TFEC: variants seen among roughly 807,000 people sequenced by gnomAD.
TFEC encodes transcription factor EC, also known as class E basic helix-loop-helix protein 34.
A neutral mutation model predicts 41.6 loss-of-function variants in TFEC; 31 were observed. That is an observed-to-expected ratio of 0.74 (90% confidence interval 0.56 to 1.01). The LOEUF is 1.01. TFEC is among the 50% of genes least tolerant of loss of function. TFEC has a pLI of 0.00. For synonymous variants in TFEC, 143 were observed against 140.6 expected (o/e 1.02, Z -0.12); for missense variants, 402 against 404.1 (o/e 0.99, Z 0.04).
intron 2 of TFEC, among the ~76,000 whole-genome samples, chr7:115,977,099 A>T (rs556531799): frequency 6.6e-6 from 1 of 152,252 alleles, no homozygotes; most frequent in African/African-American, 2.4e-5. Context: ...CCCAGCCTAA[A>T]ACCTTCACAA....
upstream of TFEC, among the ~76,000 whole-genome samples, chr7:116,033,209 T>G (rs1795829989): frequency 6.6e-6 from 1 of 152,108 alleles, no homozygotes; most frequent in South Asian, 2.1e-4. Flanking sequence ...CTGGCCATTC[T>G]ATGCCTGAAA....
intron 3 of TFEC, among the ~76,000 whole-genome samples, chr7:116,036,135 T>C (rs1795903928): frequency 6.6e-6 from 1 of 152,134 alleles, no homozygotes; most frequent in African/African-American, 2.4e-5. Flanking sequence ...GCCTCATTTG[T>C]CTTCTATCCT....
chr7:116,130,104 T>C (rs1056199055), intron 1 of TFEC, among the ~76,000 whole-genome samples: 9 of 150,134 alleles, frequency 6.0e-5, no homozygotes, highest in African/African-American at 2.0e-4. Flanking sequence ...GAAAAACTTA[T>C]TTTTGTTCAC....
chr7:116,143,717 AAC>A (rs1218024521), intron 1 of TFEC, among the ~76,000 whole-genome samples: 3 of 152,152 alleles, frequency 2.0e-5, no homozygotes, highest in Non-Finnish European at 4.4e-5. Context: ...GAAGTGAGGA[AAC>A]ACACTCTCCA....
chr7:115,950,984 T>C, intron 5 of TFEC, 35 bp from the exon 6 acceptor site: 1 of 1,343,628 alleles, frequency 7.4e-7, no homozygotes, highest in Non-Finnish European at 1.0e-6. Context: ...TTATTCTCAT[T>C]AATGCACAGT....
At chr7:116,008,696 C>A (rs2130804959) in intron 1 of TFEC, among the ~76,000 whole-genome samples, 1 of 152,236 alleles carries the variant, frequency 6.6e-6, no homozygotes, top group Middle Eastern at 3.4e-3. Flanking sequence ...TCACAGCAGT[C>A]TGTGGATATG....
At chr7:116,023,532 A>C (rs1795477205) in intron 1 of TFEC, among the ~76,000 whole-genome samples, 1 of 152,160 alleles carries the variant, frequency 6.6e-6, no homozygotes, top group South Asian at 2.1e-4. Context: ...AAAGACTCTG[A>C]AGGAGCATGA....
At chr7:116,064,964 T>A (rs1187063331) in intron 3 of TFEC, among the ~76,000 whole-genome samples, 1 of 152,026 alleles carries the variant, frequency 6.6e-6, no homozygotes, top group Non-Finnish European at 1.5e-5. Flanking sequence ...CTAAAGAAAA[T>A]AATCAAGATA....
intron 3 of TFEC, among the ~76,000 whole-genome samples, chr7:115,969,605 T>A (rs1251242971): frequency 6.6e-6 from 1 of 151,972 alleles, no homozygotes; most frequent in Admixed American, 6.6e-5. Flanking sequence ...GTGCTGACTA[T>A]AATAAAGTGT....
At chr7:116,149,639 T>C (rs1798719896) in intron 1 of TFEC, among the ~76,000 whole-genome samples, 1 of 152,182 alleles carries the variant, frequency 6.6e-6, no homozygotes, top group Non-Finnish European at 1.5e-5. Flanking sequence ...TGGAGAAAAT[T>C]AGTATCATTG....
At chr7:116,059,239 A>C (rs1266609666) in intron 3 of TFEC, among the ~76,000 whole-genome samples, 1 of 151,910 alleles carries the variant, frequency 6.6e-6, no homozygotes, top group Non-Finnish European at 1.5e-5. Flanking sequence ...CTTCATGCCA[A>C]AAAAGTCAAA....
intron 1 of TFEC, among the ~76,000 whole-genome samples, chr7:116,016,891 C>T (rs1269468477): frequency 1.3e-5 from 2 of 152,026 alleles, no homozygotes; most frequent in African/African-American, 2.4e-5. Context: ...GTCCCAAGCA[C>T]TTATTATTTC....
intron 2 of TFEC, chr7:116,110,952 A>G: frequency 7.3e-7 from 1 of 1,368,260 alleles, no homozygotes; most frequent in Non-Finnish European, 9.8e-7. Flanking sequence ...GAAAAAAAGG[A>G]GCACTGTAAA....
rs1396346550 is a variant in TFEC at position 115,940,919 on chromosome 7, G to C, written c.676C>G (p.Gln226Glu). ...GTTGGCAGACCATGAGTACGAGCCT[G>C]AATTTCTAGTTCCTGTAATTTCAAA... ...LLLRIQELEI[Q>E]ARTHGLPTLA... The change falls in exon 8 of 8, where the codon CAG becomes GAG. Residue 226 changes from glutamine to glutamate, a missense_variant. By Grantham distance (29) the Gln-to-Glu change is conservative. Coordinates refer to ENST00000265440, the MANE Select transcript of TFEC (RefSeq NM_012252.4). The C allele has an allele frequency of 1.9e-6, 3 of 1,568,756 alleles. No homozygotes were observed. Among genetic ancestry groups the C allele is most frequent in the Non-Finnish European group, 2.6e-6 (3 of 1,154,802 alleles).
intron 3 of TFEC, among the ~76,000 whole-genome samples, chr7:116,042,347 C>A (rs1415217100): frequency 2.6e-5 from 4 of 152,044 alleles, no homozygotes; most frequent in African/African-American, 7.2e-5. Context: ...AGGCTCAGGG[C>A]AACACACACT....
chr7:115,993,356 G>C (rs1242999962), intron 1 of TFEC, among the ~76,000 whole-genome samples: 1 of 152,146 alleles, frequency 6.6e-6, no homozygotes, highest in Non-Finnish European at 1.5e-5. Context: ...GTTCTGGCCA[G>C]GACAAACAGG....
intron 2 of TFEC, 93 bp from the exon 3 acceptor site, chr7:115,974,349 A>T: frequency 1.1e-6 from 1 of 874,844 alleles, no homozygotes; most frequent in Non-Finnish European, 1.5e-6. Context: ...GCAATCTTTA[A>T]AAGTTTTTAG....
chr7:115,948,301 C>T (rs1306454346), intron 6 of TFEC, among the ~76,000 whole-genome samples: 1 of 151,788 alleles, frequency 6.6e-6, no homozygotes, highest in African/African-American at 2.4e-5. Context: ...CCTTCTGAAA[C>T]TATTCCAATC....
At position 115,939,736 on chromosome 7, in the gene TFEC, A is replaced by G. The variant is rs1347091468; in HGVS notation, c.*815T>C. ...TGATGCAGTCAGAAGCATGAAGAAA[A>G]CAAAAGAACATATACTACCTGAATG... On this transcript the variant is annotated 3_prime_UTR_variant, in exon 8 of 8. Coordinates refer to ENST00000265440, the MANE Select transcript of TFEC (RefSeq NM_012252.4). The G allele has an allele frequency of 6.6e-6, 1 of 152,072 alleles. No homozygotes were observed. Among genetic ancestry groups the G allele is most frequent in the Non-Finnish European group, 1.5e-5 (1 of 67,984 alleles). 9.4% of individuals were successfully genotyped at this position (152,072 alleles called of 1,614,324 possible). A position where few individuals can be genotyped will look rare whatever the true frequency, so the allele number is the denominator to read the frequency against.
Sources: gnomAD v4.1 joint callset for allele counts (sites outside exome capture counted in the v4.1 genomes callset) on GRCh38, gnomAD v4.1.1 for gene constraint, MANE v1.5 for transcripts, NCBI Gene and HGNC (gene_info 2026-07-23, HGNC 2026-07-21) for gene names.